The following FHOD3 variants were observed in gnomAD, a reference collection of about 807,000 sequenced individuals.
FHOD3 encodes the protein formin homology 2 domain containing 3.
In FHOD3, 90 loss-of-function variants were observed where a neutral mutation model predicts 173.0. The observed-to-expected ratio is 0.52, with a 90% confidence interval of 0.44 to 0.62. The LOEUF (loss-of-function observed/expected upper bound fraction) is 0.62, where lower values mean the gene tolerates loss of function less well. Ranked by LOEUF, FHOD3 falls within the 20% of genes least tolerant of loss-of-function variation. The pLI, the probability that FHOD3 is intolerant of heterozygous loss-of-function variation, is 0.00. For missense variants in FHOD3, 1,945 were observed against 2,034.7 expected, an observed-to-expected ratio of 0.96 and a Z score of 0.85; for synonymous variants, 828 against 823.0, an observed-to-expected ratio of 1.01 and a Z score of -0.10.
At chr18:36,681,152 C>T (rs2038212272) in intron 14 of FHOD3, among the ~76,000 whole-genome samples, 1 of 152,142 alleles carries the variant, frequency 6.6e-6, no homozygotes, top group Admixed American at 6.5e-5. Context: ...TGGAATACTT[C>T]TATAACTCCC....
At position 36,718,188 on chromosome 18, in the gene FHOD3, G is replaced by A. The variant is rs754948359; in HGVS notation, c.2890G>A (p.Val964Ile). ...CCCTGATGCTGAGCCCAATGACAAGGTCCCAGAAACAGCGCCGGTGCAGCC... is the reference window on the plus strand; with the variant it reads ...CCCTGATGCTGAGCCCAATGACAAGATCCCAGAAACAGCGCCGGTGCAGCC... ...ISPDAEPNDK[V>I]PETAPVQPKT... Residue 964 changes from valine (V) to isoleucine (I), a missense_variant, in exon 19 of 29, where the codon GTC becomes ATC. Around this residue, in one of 5 missense-constraint regions of FHOD3, gnomAD observed 1,099 missense variants for 1,051.2 expected, o/e 1.05. Coordinates refer to ENST00000590592, the MANE Select transcript of FHOD3 (RefSeq NM_001281740.3). 1.9e-6 allele frequency: 3 copies of A among 1,613,690 alleles called. No homozygotes were observed. The highest frequency in any genetic ancestry group is 2.5e-6 in the Non-Finnish European group (3 of 1,179,776).
chr18:36,776,567 A>G (rs1231461204), intron 28 of FHOD3, among the ~76,000 whole-genome samples: 4 of 152,218 alleles, frequency 2.6e-5, no homozygotes, highest in Non-Finnish European at 5.9e-5. Context: ...GGGATAACAT[A>G]TATCTAAGAG....
At chr18:36,768,351 A>C (rs1309414464) in intron 27 of FHOD3, among the ~76,000 whole-genome samples, 3 of 152,366 alleles carry the variant, frequency 2.0e-5, no homozygotes, top group Admixed American at 1.3e-4. Context: ...GATTTGATGG[A>C]GCACATCTAC....
chr18:36,640,115 G>T (rs758419964), intron 10 of FHOD3, among the ~76,000 whole-genome samples: 111 of 152,120 alleles, frequency 7.3e-4, no homozygotes, highest in Non-Finnish European at 2.1e-4. Context: ...CCAGCTTCTT[G>T]GGTATATTAG....
chr18:36,770,399 G>A (rs1010915125), intron 28 of FHOD3, among the ~76,000 whole-genome samples: 1 of 152,212 alleles, frequency 6.6e-6, no homozygotes, highest in Non-Finnish European at 1.5e-5. Flanking sequence ...GGTGACCAGG[G>A]TGTGGCCTGT....
chr18:36,482,822 A>AACACACACACAC (rs1202251220), intron 3 of FHOD3, among the ~76,000 whole-genome samples: 138 of 92,482 alleles, frequency 1.5e-3, no homozygotes, highest in African/African-American at 4.6e-3. Context: ...CCGGTGAACA[A>AACACACACACAC]ACACACACAC....
In FHOD3 at chr18:36,537,479, A is replaced by C. The variant is rs1215920643; in HGVS notation, c.511+24936A>C. ...CACCACATGGGGAACCTGGACTTCT[A>C]CTTCCACCTGGTGGTAATGGTTACC... On this transcript the variant is annotated intron_variant, in intron 5 of 28. Coordinates refer to ENST00000590592, the MANE Select transcript of FHOD3 (RefSeq NM_001281740.3). 2.0e-5 allele frequency among the ~76,000 whole-genome samples: 3 copies of C among 152,092 alleles called. No homozygotes were observed. In the East Asian group the frequency reaches 5.8e-4, roughly 29 times the overall value.
chr18:36,776,473 G>T (rs572243062), intron 28 of FHOD3, among the ~76,000 whole-genome samples: 74 of 152,318 alleles, frequency 4.9e-4, no homozygotes, highest in African/African-American at 1.8e-3. Flanking sequence ...TTCATTTCAC[G>T]TGGTCTTTCA....
intron 5 of FHOD3, among the ~76,000 whole-genome samples, chr18:36,543,378 C>G (rs1766340409): frequency 6.6e-6 from 1 of 152,070 alleles, no homozygotes; most frequent in Non-Finnish European, 1.5e-5. Context: ...ATTCCCCTTT[C>G]AGAGAGATCC....
rs34226186 is a variant in FHOD3 at position 36,586,488 on chromosome 18, C to CTT, written c.607-8286_607-8285dup. ...TAAACAATAAAAGATGTGCATGTTA[C>CTT]TTTTTTTTTTTTTTGAGACAGAGTC... On this transcript the variant is annotated intron_variant, in intron 6 of 28. Transcript: ENST00000590592. 1.7e-3 allele frequency among the ~76,000 whole-genome samples: 243 copies of CTT among 147,148 alleles called. 3 individuals carry two copies. In the Middle Eastern group the frequency reaches 0.039, roughly 24 times the overall value.
At chr18:36,582,611 G>A (rs926938248) in intron 6 of FHOD3, among the ~76,000 whole-genome samples, 20 of 152,202 alleles carry the variant, frequency 1.3e-4, no homozygotes, top group Admixed American at 5.2e-4. Context: ...GTATTTACAG[G>A]CAGTTACCAT....
intron 20 of FHOD3, among the ~76,000 whole-genome samples, chr18:36,735,972 A>G (rs1200978013): frequency 6.6e-6 from 1 of 152,262 alleles, no homozygotes. Context: ...AAATATACTT[A>G]GAGCAATGCT....
chr18:36,311,562 C>T (rs546552007), intron 1 of FHOD3, among the ~76,000 whole-genome samples: 23 of 152,184 alleles, frequency 1.5e-4, no homozygotes, highest in Admixed American at 2.6e-4. Flanking sequence ...CAGGAGCATG[C>T]GTGGCCTCCA....
intron 1 of FHOD3, among the ~76,000 whole-genome samples, chr18:36,313,865 AT>A (rs763530719): frequency 3.3e-5 from 5 of 150,870 alleles, no homozygotes; most frequent in Non-Finnish European, 5.9e-5. Context: ...TTGGCAAGTT[AT>A]CCTTTGTCCG....
At chr18:36,525,592 G>T (rs1042492424) in intron 5 of FHOD3, among the ~76,000 whole-genome samples, 1 of 152,220 alleles carries the variant, frequency 6.6e-6, no homozygotes, top group Non-Finnish European at 1.5e-5. Flanking sequence ...ACAACACGAA[G>T]CCATCTGGAC....
intron 28 of FHOD3, 125 bp from the exon 29 acceptor site, chr18:36,779,323 C>A (rs1373983335): frequency 1.2e-6 from 1 of 803,382 alleles, no homozygotes; most frequent in Non-Finnish European, 2.0e-6. Context: ...AGAGTGTGAA[C>A]CCTCTGGCTT....
At chr18:36,712,461 G>T (rs537499064) in intron 18 of FHOD3, among the ~76,000 whole-genome samples, 3 of 107,534 alleles carry the variant, frequency 2.8e-5, no homozygotes, top group Non-Finnish European at 6.1e-5. Context: ...GAAAAACACA[G>T]TAACAACAAA....
chr18:36,761,805 C>A (rs543292286), intron 27 of FHOD3, among the ~76,000 whole-genome samples: 1 of 152,130 alleles, frequency 6.6e-6, no homozygotes, highest in East Asian at 1.9e-4. Flanking sequence ...TTAGCACACA[C>A]TATGCGTGCA....
intron 14 of FHOD3, among the ~76,000 whole-genome samples, chr18:36,675,010 T>C (rs111454488): frequency 2.0e-5 from 3 of 152,332 alleles, no homozygotes; most frequent in African/African-American, 7.2e-5. Context: ...TTGTCCTGTA[T>C]TTCCTTTCCC....
Sources: gnomAD v4.1 joint callset for allele counts (sites outside exome capture counted in the v4.1 genomes callset) on GRCh38, gnomAD v4.1.1 for gene constraint, gnomAD v4.1.1 regional missense constraint, MANE v1.5 for transcripts, NCBI Gene and HGNC (gene_info 2026-07-23, HGNC 2026-07-21) for gene names.